NUP98: variants seen among roughly 807,000 people sequenced by gnomAD.
NUP98 encodes the protein nucleoporin 98 and 96 precursor, also known as nuclear pore complex protein Nup98-Nup96.
A neutral mutation model predicts 191.9 loss-of-function variants in NUP98; 26 were observed. The ratio of observed to expected loss-of-function variants is 0.14; its 90% confidence interval spans 0.10 to 0.19. The LOEUF is 0.19. Ranked by LOEUF, NUP98 falls within the 10% of genes least tolerant of loss-of-function variation. The probability of loss-of-function intolerance (pLI) is 1.00; values close to 1 mark genes in which losing one functional copy is unlikely to be tolerated. For synonymous variants in NUP98, 808 were observed against 778.4 expected (o/e 1.04, Z -0.63); for missense variants, 1,941 against 2,178.8 (o/e 0.89, Z 2.17).
At chr11:3,729,904 A>G (rs551290959) in intron 14 of NUP98, among the ~76,000 whole-genome samples, 23 of 152,102 alleles carry the variant, frequency 1.5e-4, no homozygotes, top group African/African-American at 5.3e-4. Context: ...TGACTGGACT[A>G]CTGTAAACCT....
At chr11:3,778,766 T>G in intron 4 of NUP98, 107 bp downstream of exon 4, 1 of 1,189,080 alleles carries the variant, frequency 8.4e-7, no homozygotes, top group East Asian at 2.3e-5. Context: ...TTTTTGCCAT[T>G]TAGTAGGAAA....
intron 25 of NUP98, among the ~76,000 whole-genome samples, chr11:3,697,764 T>C (rs1052215136): frequency 1.4e-5 from 2 of 141,086 alleles, no homozygotes; most frequent in African/African-American, 2.7e-5. Context: ...TGCAGTGAGC[T>C]GAGATCGTTC....
At position 3,760,124 on chromosome 11, in the gene NUP98, A is replaced by C. The variant is rs540404288; in HGVS notation, c.1174+415T>G. ...CCCTGTTCTCCACCAAAAAAAAAAA[A>C]AAAAACAAAAACAAAACAACACAAC... On this transcript the variant is annotated intron_variant, in intron 10 of 32. Transcript: ENST00000324932. The C allele has an allele frequency of 2.3e-3, 406 of 177,088 alleles. 2 individuals are homozygous for C. Among genetic ancestry groups the C allele is most frequent in the African/African-American group, 4.3e-3 (179 of 41,970 alleles). 11.0% of individuals were successfully genotyped at this position (177,088 alleles called of 1,614,324 possible).
At chr11:3,734,097 G>A (rs1404849267) in intron 13 of NUP98, among the ~76,000 whole-genome samples, 1 of 151,274 alleles carries the variant, frequency 6.6e-6, no homozygotes, top group South Asian at 2.1e-4. Flanking sequence ...GTGCAATGGC[G>A]CAATCTCGGC....
chr11:3,792,096 G>A (rs1015695319), intron 1 of NUP98, among the ~76,000 whole-genome samples: 14 of 140,644 alleles, frequency 1.0e-4, no homozygotes, highest in African/African-American at 2.9e-4. Flanking sequence ...GGAGAATGGC[G>A]TGAACCCGGG....
At chr11:3,735,748 AGTGTGTGTGT>A (rs71041385) in intron 12 of NUP98, among the ~76,000 whole-genome samples, 8,105 of 140,874 alleles carry the variant, frequency 0.058, 350 homozygotes, top group South Asian at 0.17. Flanking sequence ...CAGGGCAAGT[AGTGTGTGTGT>A]GTGTGTGTGT....
At chr11:3,677,146 A>G (rs2077839839) in intron 31 of NUP98, among the ~76,000 whole-genome samples, 1 of 152,208 alleles carries the variant, frequency 6.6e-6, no homozygotes, top group African/African-American at 2.4e-5. Context: ...AAAAATCACA[A>G]GCCATGTAGA....
chr11:3,679,348 T>C, intron 31 of NUP98: 2 of 678,064 alleles, frequency 2.9e-6, no homozygotes, highest in Non-Finnish European at 2.7e-6. Flanking sequence ...ACATACTAGT[T>C]GGTAATCAAC....
At chr11:3,746,682 G>A (rs1031012590) in intron 11 of NUP98, among the ~76,000 whole-genome samples, 6 of 151,786 alleles carry the variant, frequency 4.0e-5, no homozygotes, top group Admixed American at 6.6e-5. Flanking sequence ...GGAAGCCGAG[G>A]AGGGCAGATC....
chr11:3,689,998 C>A (rs2078259801), intron 28 of NUP98, among the ~76,000 whole-genome samples: 1 of 133,382 alleles, frequency 7.5e-6, no homozygotes, highest in Non-Finnish European at 1.5e-5. Context: ...ATCACCCAGG[C>A]TGGACTGCAG....
At chr11:3,792,428 T>A (rs890705260) in intron 1 of NUP98, among the ~76,000 whole-genome samples, 24 of 152,044 alleles carry the variant, frequency 1.6e-4, no homozygotes, top group African/African-American at 5.1e-4. Flanking sequence ...ATGGTCAACA[T>A]GTTGAAACCC....
At chr11:3,744,407 T>TGCA in intron 12 of NUP98, 102 bp downstream of exon 12, 1 of 1,166,532 alleles carries the variant, frequency 8.6e-7, no homozygotes, top group East Asian at 2.4e-5. Context: ...CATGCATGTA[T>TGCA]GCAATGCCTT....
At chr11:3,725,863 G>A (rs988967605) in intron 14 of NUP98, among the ~76,000 whole-genome samples, 2 of 152,108 alleles carry the variant, frequency 1.3e-5, no homozygotes, top group Admixed American at 6.5e-5. Flanking sequence ...ACGCTGGTGT[G>A]TAGTGGTACA....
intron 12 of NUP98, among the ~76,000 whole-genome samples, chr11:3,739,035 T>G (rs918533691): frequency 6.6e-6 from 1 of 152,102 alleles, no homozygotes; most frequent in Non-Finnish European, 1.5e-5. Context: ...TATAAAGATG[T>G]ACATTCTAAA....
At chr11:3,679,005 C>T (rs969552968) in intron 31 of NUP98, among the ~76,000 whole-genome samples, 6 of 151,880 alleles carry the variant, frequency 4.0e-5, no homozygotes, top group African/African-American at 1.5e-4. Context: ...ACCCTATACT[C>T]CCAGCTACTT....
chr11:3,687,612 T>C (rs183011666), intron 28 of NUP98, among the ~76,000 whole-genome samples: 25 of 152,268 alleles, frequency 1.6e-4, no homozygotes, highest in African/African-American at 5.3e-4. Flanking sequence ...GTCAATATGA[T>C]TGCTAAACTC....
chr11:3,783,816 C>A (rs61896900), intron 1 of NUP98, among the ~76,000 whole-genome samples: 10,908 of 152,056 alleles, frequency 0.072, 415 homozygotes, highest in Middle Eastern at 0.1. Flanking sequence ...AACGCCTACA[C>A]AGAAAAGTTT....
chr11:3,731,964 T>A (rs2079868574), intron 13 of NUP98, among the ~76,000 whole-genome samples: 1 of 152,238 alleles, frequency 6.6e-6, no homozygotes, highest in Non-Finnish European at 1.5e-5. Flanking sequence ...TTGGGAGGCA[T>A]TATCTGTGTG....
At chr11:3,697,693 G>A (rs1467352962) in intron 25 of NUP98, among the ~76,000 whole-genome samples, 1 of 151,738 alleles carries the variant, frequency 6.6e-6, no homozygotes, top group Admixed American at 6.6e-5. Flanking sequence ...GCAGGCACCT[G>A]TAATCCCAGC....
Sources: gnomAD v4.1 joint callset for allele counts (sites outside exome capture counted in the v4.1 genomes callset) on GRCh38, gnomAD v4.1.1 for gene constraint, MANE v1.5 for transcripts, NCBI Gene and HGNC (gene_info 2026-07-23, HGNC 2026-07-21) for gene names.